KCNH4: variants seen among roughly 807,000 people sequenced by gnomAD.
KCNH4 encodes voltage-gated delayed rectifier potassium channel KCNH4.
In KCNH4, 33 loss-of-function variants were observed where a neutral mutation model predicts 90.7. The ratio of observed to expected loss-of-function variants is 0.36; its 90% CI spans 0.28 to 0.49. KCNH4 has a LOEUF of 0.49. Ranked by LOEUF, KCNH4 falls within the 20% of genes least tolerant of loss-of-function variation. KCNH4 has a pLI of 0.98. For synonymous variants in KCNH4, 551 were observed against 581.7 expected (o/e 0.95, Z 0.76); for missense variants, 1,044 against 1,387.1 (o/e 0.75, Z 3.93).
At chr17:42,162,171 C>A in intron 15 of KCNH4, 77 bp downstream of exon 15, 1 of 1,304,072 alleles carries the variant, frequency 7.7e-7, no homozygotes, top group Non-Finnish European at 1.1e-6. Flanking sequence ...GTCCCAAACT[C>A]CTGACCTCAA....
chr17:42,157,480 C>T (rs1055182773), intron 16 of KCNH4, among the ~76,000 whole-genome samples: 1 of 152,094 alleles, frequency 6.6e-6, no homozygotes, highest in African/African-American at 2.4e-5. Flanking sequence ...GATCAAGAAA[C>T]GTGGTGACTG....
chr17:42,178,529 C>T (rs1203059186), intron 2 of KCNH4, 52 bp from the exon 3 acceptor site: 1 of 1,596,562 alleles, frequency 6.3e-7, no homozygotes, highest in South Asian at 1.1e-5. Flanking sequence ...CCATGGCATG[C>T]CTTTCTCCTC....
At chr17:42,164,257 G>A (rs2079770906) in intron 11 of KCNH4, 89 bp from the exon 12 acceptor site, 1 of 1,189,670 alleles carries the variant, frequency 8.4e-7, no homozygotes, top group Non-Finnish European at 1.2e-6. Flanking sequence ...AGTGTTATGG[G>A]GTTGAGAATG....
In KCNH4 at chr17:42,180,957, G is replaced by A. The variant is rs764691777; in HGVS notation, c.-12C>T. ...TTCATGACCGGCATGGCCCCGGGGC[G>A]TGGGTTCAAGGCGCGGCGCTGGGGA... is the stretch of plus-strand genomic sequence containing the variant. On this transcript the variant is annotated 5_prime_UTR_variant, in exon 1 of 17. In the 5' UTR this introduces an upstream ATG that the reference lacks. Transcript: ENST00000264661. The surrounding 1 kb of genome is among the most constrained non-coding windows in gnomAD (Gnocchi z 4.7). 6.2e-7 allele frequency: 1 copy of A among 1,610,742 alleles called. No individual in the cohort carries two copies. The highest frequency in any genetic ancestry group is 8.5e-7 in the Non-Finnish European group (1 of 1,178,460).
chr17:42,169,700 T>C (rs2079813612), intron 8 of KCNH4, 24 bp from the exon 9 acceptor site: 2 of 1,608,912 alleles, frequency 1.2e-6, no homozygotes, highest in Admixed American at 1.7e-5. Flanking sequence ...AGCGGGCCTG[T>C]CAGGGGCGGC....
At chr17:42,161,043 C>T (rs2079744137) in intron 15 of KCNH4, among the ~76,000 whole-genome samples, 2 of 150,170 alleles carry the variant, frequency 1.3e-5, no homozygotes, top group African/African-American at 4.9e-5. Flanking sequence ...TCTCCTGCCT[C>T]AGCCTCCCAA....
intron 16 of KCNH4, among the ~76,000 whole-genome samples, chr17:42,159,093 TCTTGG>T: frequency 6.6e-6 from 1 of 152,014 alleles, no homozygotes; most frequent in East Asian, 1.9e-4. Flanking sequence ...AGTGGTGCGA[TCTTGG>T]CTCACTGCAA....
chr17:42,165,100 C>T (rs1431617729), intron 11 of KCNH4, among the ~76,000 whole-genome samples: 3 of 148,740 alleles, frequency 2.0e-5, no homozygotes, highest in East Asian at 3.9e-4. Flanking sequence ...AGTAAGACTT[C>T]GTCTCAAAAA....
chr17:42,162,799 G>A (rs2144120887), intron 14 of KCNH4, among the ~76,000 whole-genome samples: 1 of 152,134 alleles, frequency 6.6e-6, no homozygotes, highest in African/African-American at 2.4e-5. Context: ...TGCCATATTG[G>A]CCAGGCTGGT....
rs756221609 is a variant in KCNH4 at position 42,163,267 on chromosome 17, GCCT to G, written c.2542_2544del (p.Arg848del). On this transcript the variant is annotated inframe_deletion, in exon 14 of 17. Transcript: ENST00000264661. This position sits in a 1 kb window ranked among gnomAD's most constrained non-coding sequence, Gnocchi z 5.4. Reference sequence around the variant, plus strand: ...TGGGAGCGGGGCCTTGGCAGTTCAGGCCTCCTGCTGAATCGGAATGAAGGGGCC... The same window carrying G: ...TGGGAGCGGGGCCTTGGCAGTTCAGGCCTGCTGAATCGGAATGAAGGGGCC... 1 of 1,614,080 alleles carries G rather than the reference GCCT, an allele frequency of 6.2e-7. No homozygotes were observed. The highest frequency in any genetic ancestry group is 1.1e-5 in the South Asian group (1 of 91,086).
intron 6 of KCNH4, among the ~76,000 whole-genome samples, chr17:42,173,614 C>T (rs2079842038): frequency 6.6e-6 from 1 of 151,842 alleles, no homozygotes; most frequent in Non-Finnish European, 1.5e-5. Context: ...CCAGACCATC[C>T]ACTCAGGGGC....
Position 42,175,659 on chromosome 17 carries a change from G to A in KCNH4, c.907C>T (p.His303Tyr). Residue 303 changes from histidine (H) to tyrosine (Y), a missense_variant, in exon 6 of 17, where the codon CAC becomes TAC. By Grantham distance (83) the His-to-Tyr change is moderately conservative (BLOSUM62 2). Around this residue, in one of 4 missense-constraint regions of KCNH4, gnomAD observed 318 missense variants for 479.6 expected, o/e 0.66. Coordinates refer to ENST00000264661, the MANE Select transcript of KCNH4 (RefSeq NM_012285.3). ...VISAPRSIGL[H>Y]YLATWFFIDL... The stretch of plus-strand genomic sequence containing the variant: ...ATGAAGAACCAGGTGGCCAGGTAGT[G>A]GAGGCCAATGGAACGAGGAGCAGAG... 1 of 1,614,150 alleles carries A rather than the reference G, an allele frequency of 6.2e-7. No homozygotes were observed. The highest frequency in any genetic ancestry group is 8.5e-7 in the Non-Finnish European group (1 of 1,179,984).
rs1184467961 is a variant in KCNH4 at position 42,159,892 on chromosome 17, C to T, written c.*148G>A. 1 of 538,584 alleles carries T rather than the reference C, an allele frequency of 1.9e-6. No homozygotes were observed. The highest frequency in any genetic ancestry group is 1.9e-5 in the African/African-American group (1 of 51,966). The allele number at this position is 538,584 out of a possible 1,614,324, so 33.4% of individuals were successfully genotyped here. A position where few individuals can be genotyped will look rare whatever the true frequency, so the allele number is the denominator to read the frequency against. On this transcript the variant is annotated 3_prime_UTR_variant, in exon 16 of 17. Transcript: ENST00000264661. Reference sequence around the variant, plus strand: ...AAAAGGGAATAGCGTCAGAGGTAACCACGCTTCATTAAAAAGTCCAGAAAT... The same window carrying T: ...AAAAGGGAATAGCGTCAGAGGTAACTACGCTTCATTAAAAAGTCCAGAAAT...
chr17:42,169,472 G>C lies in KCNH4; in HGVS notation c.1590+5C>G. The C allele has an allele frequency of 1.2e-6, 2 of 1,612,452 alleles. No homozygotes were observed. The highest frequency in any genetic ancestry group is 8.5e-7 in the Non-Finnish European group (1 of 1,179,826). ...AAGGGCAAGATTGGAGACCCTGCAG[G>C]CTACCTCGTTGGCGTCGATGCCGCT... On this transcript the variant is annotated splice_donor_5th_base_variant and intron_variant, in intron 9 of 16. Coordinates refer to ENST00000264661, the MANE Select transcript of KCNH4 (RefSeq NM_012285.3).
intron 9 of KCNH4, among the ~76,000 whole-genome samples, chr17:42,167,312 G>A (rs1408822011): frequency 6.6e-6 from 1 of 152,050 alleles, no homozygotes; most frequent in African/African-American, 2.4e-5. Flanking sequence ...TGTTACCCAA[G>A]CTGGAGTGCA....
intron 15 of KCNH4, among the ~76,000 whole-genome samples, chr17:42,160,996 A>G (rs9907743): frequency 0.25 from 34,702 of 137,352 alleles, 5,775 homozygotes; most frequent in African/African-American, 0.49. Flanking sequence ...GCGCGATCTC[A>G]GCTCACTGCA....
intron 15 of KCNH4, among the ~76,000 whole-genome samples, chr17:42,161,141 A>G (rs112574891): frequency 0.014 from 2,071 of 151,738 alleles, 34 homozygotes; most frequent in African/African-American, 0.048. Context: ...TGTTAGCCAG[A>G]ATGGTCTCCA....
chr17:42,176,576 G>T (rs1320930558), intron 4 of KCNH4, among the ~76,000 whole-genome samples: 1 of 133,054 alleles, frequency 7.5e-6, no homozygotes, highest in Non-Finnish European at 1.5e-5. Context: ...AGGCTGGAGT[G>T]CAAGGGCATG....
Position 42,159,953 on chromosome 17 carries a change from C to T in KCNH4, c.*87G>A. On this transcript the variant is annotated 3_prime_UTR_variant, in exon 16 of 17. Coordinates refer to ENST00000264661, the MANE Select transcript of KCNH4 (RefSeq NM_012285.3). ...CCAGGCCAGCTGGTGGCTGCTGACC[C>T]CAAGGCAGGAAGCCAAGGGGCCCAG... The T allele has an allele frequency of 9.0e-7, 1 of 1,113,126 alleles. No individual in the cohort carries two copies. The highest frequency in any genetic ancestry group is 1.2e-6 in the Non-Finnish European group (1 of 820,980). The allele number at this position is 1,113,126 out of a possible 1,614,324, so 69.0% of individuals were successfully genotyped here.
Sources: gnomAD v4.1 joint callset for allele counts (sites outside exome capture counted in the v4.1 genomes callset) on GRCh38, gnomAD v4.1.1 for gene constraint, gnomAD v4.1.1 regional missense constraint, Gnocchi (gnomAD v3.1) non-coding constraint, MANE v1.5 for transcripts, NCBI Gene and HGNC (gene_info 2026-07-23, HGNC 2026-07-21) for gene names.